ZFYVE26: variants seen among roughly 807,000 people sequenced by gnomAD.
ZFYVE26 encodes the protein zinc finger FYVE-type containing 26, also known as zinc finger FYVE domain-containing protein 26.
Under a neutral mutation model 276.5 loss-of-function variants are expected in ZFYVE26, and 181 were observed. That is an observed-to-expected ratio of 0.65 (90% confidence interval 0.58 to 0.74). The LOEUF (loss-of-function observed/expected upper bound fraction) is 0.74. ZFYVE26 is among the 30% of genes least tolerant of loss of function. The pLI is 0.00. For synonymous variants in ZFYVE26, 1,129 were observed against 1,203.1 expected, an observed-to-expected ratio of 0.94 and a Z score of 1.27; for missense variants, 2,821 against 3,097.9, an observed-to-expected ratio of 0.91 and a Z score of 2.12.
At chr14:67,767,683 A>G (rs1354906735) in intron 31 of ZFYVE26, 21 bp downstream of exon 31, 1 of 1,614,058 alleles carries the variant, frequency 6.2e-7, no homozygotes, top group East Asian at 2.2e-5. Flanking sequence ...TTAAGTGACC[A>G]TTGCATTTTA....
intron 15 of ZFYVE26, 30 bp downstream of exon 15, chr14:67,790,542 C>G: frequency 6.2e-7 from 1 of 1,611,266 alleles, no homozygotes. Flanking sequence ...AGCCACCTCA[C>G]CACTTATGGT....
rs181576 is a variant in ZFYVE26 at position 67,806,713 on chromosome 14, A to G, written c.887-38T>C. 1,081,982 of 1,611,936 alleles carry G rather than the reference A, an allele frequency of 0.67. 367,626 individuals are homozygous for G. The highest frequency in any genetic ancestry group is 0.98 in the East Asian group (43,762 of 44,846). Reference sequence around the variant, plus strand: ...CAAGACGGTTATCAGGAAACCAAGAACTCTTCTTTTCTAAGCTAGAGCCCA... The same window carrying G: ...CAAGACGGTTATCAGGAAACCAAGAGCTCTTCTTTTCTAAGCTAGAGCCCA... On this transcript the variant is annotated intron_variant, in intron 5 of 41. Coordinates refer to ENST00000347230, the MANE Select transcript of ZFYVE26 (RefSeq NM_015346.4).
chr14:67,808,972 C>G (rs2040238774), intron 4 of ZFYVE26, among the ~76,000 whole-genome samples: 1 of 152,182 alleles, frequency 6.6e-6, no homozygotes. Context: ...ACTAATAAAT[C>G]TTTAATTCCC....
At chr14:67,761,027 C>T in intron 35 of ZFYVE26, 1 of 582,996 alleles carries the variant, frequency 1.7e-6, no homozygotes, top group East Asian at 2.9e-5. Flanking sequence ...GAAGCAGACT[C>T]TAAGCAATAT....
chr14:67,776,028 G>A lies in ZFYVE26; in HGVS notation c.5053C>T (p.Leu1685=), dbSNP rs770696927. 1.2e-6 allele frequency: 2 copies of A among 1,614,224 alleles called. No homozygotes were observed. Among genetic ancestry groups the A allele is most frequent in the South Asian group, 2.2e-5 (2 of 91,086 alleles). The change falls in exon 26 of 42, where the codon CTG becomes TTG. Residue 1685 remains leucine (L), a synonymous_variant. Transcript: ENST00000347230. ...CAATCCACCTTCATGTTCATAAGCA[G>A]CTGCTCCAGCATGAACAGGGGGTTA... ...SSNPLFMLEQ[L]LMNMKVDWAT...
intron 41 of ZFYVE26, chr14:67,750,825 G>C (rs1039857939): frequency 1.9e-5 from 12 of 621,974 alleles, no homozygotes; most frequent in Non-Finnish European, 3.2e-5. Context: ...TTGTCTTGGG[G>C]ATAAAGACTT....
intron 16 of ZFYVE26, among the ~76,000 whole-genome samples, chr14:67,787,854 C>T (rs2039696888): frequency 6.6e-6 from 1 of 152,204 alleles, no homozygotes; most frequent in Admixed American, 6.5e-5. Flanking sequence ...AGTTAAACAG[C>T]AGGCTTGACA....
At chr14:67,756,327 C>T (rs901207368) in intron 35 of ZFYVE26, 182 bp from the exon 36 acceptor site, 1 of 701,980 alleles carries the variant, frequency 1.4e-6, no homozygotes. Flanking sequence ...TCACTTCTCT[C>T]CTTCCTTTTA....
chr14:67,759,584 ACCGCGCTCCAG>A (rs2038880170), intron 35 of ZFYVE26, among the ~76,000 whole-genome samples: 1 of 138,340 alleles, frequency 7.2e-6, no homozygotes, highest in African/African-American at 2.7e-5. Context: ...AGATCTCACC[ACCGCGCTCCAG>A]CCTGGCAACA....
At position 67,752,489 on chromosome 14, in the gene ZFYVE26, G is replaced by C. The variant is rs767297891; in HGVS notation, c.7226C>G (p.Ala2409Gly). ...QLDAAMTYCRAARQLVEKEKY... is the reference protein window; with the variant it reads ...QLDAAMTYCRGARQLVEKEKY... Reference sequence around the variant, plus strand: ...CTCTTTCTCCACCAACTGGCGGGCAGCTCTGCAGTAGGTCATGGCAGCATC... The same window carrying C: ...CTCTTTCTCCACCAACTGGCGGGCACCTCTGCAGTAGGTCATGGCAGCATC... Residue 2409 changes from alanine to glycine, a missense_variant, in exon 40 of 42, where the codon GCT (alanine) becomes GGT (glycine). By Grantham distance (60) the Ala-to-Gly change is moderately conservative. Coordinates refer to ENST00000347230, the MANE Select transcript of ZFYVE26 (RefSeq NM_015346.4). The C allele has an allele frequency of 6.2e-7, 1 of 1,614,148 alleles. No individual in the cohort carries two copies. Among genetic ancestry groups the C allele is most frequent in the Non-Finnish European group, 8.5e-7 (1 of 1,180,024 alleles).
intron 14 of ZFYVE26, 86 bp from the exon 15 acceptor site, chr14:67,790,859 G>T: frequency 7.9e-7 from 1 of 1,260,638 alleles, no homozygotes; most frequent in Non-Finnish European, 1.2e-6. Flanking sequence ...CCAACCATTA[G>T]ACTGTGGCCC....
rs760205577 is a variant in ZFYVE26, at chr14:67,807,885, G to T, written c.399C>A (p.Gly133=). The part of the protein sequence containing the change: ...LYETLTQGAV[G]HVPDGNPRRE... ...TCCTTGGATTTCCGTCAGGCACGTG[G>T]CCTACTGCACCCTGTGTTAAGGTCT... The change falls in exon 5 of 42, where the codon GGC becomes GGA. Residue 133 remains glycine (G), a synonymous_variant. Transcript: ENST00000347230. 1 of 1,614,066 alleles carries T rather than the reference G, an allele frequency of 6.2e-7. No homozygotes were observed.
At chr14:67,807,296 A>G in intron 5 of ZFYVE26, 102 bp downstream of exon 5, 1 of 1,508,112 alleles carries the variant, frequency 6.6e-7, no homozygotes, top group South Asian at 1.2e-5. Flanking sequence ...CTCCCCTATT[A>G]GATGTCCTGA....
Position 67,805,601 on chromosome 14 carries a change from CAAT to C in ZFYVE26, c.1032_1034del (p.Leu346del), listed in dbSNP as rs2040165756. On this transcript the variant is annotated inframe_deletion, in exon 7 of 42. Transcript: ENST00000347230. ...GATTTGGGAAGTCTTCTTCTTTCAA[CAAT>C]GTTAGTGCTGTTACCTGTAAGTCAA... The C allele has an allele frequency of 6.2e-7, 1 of 1,614,112 alleles. No homozygotes were observed. Among genetic ancestry groups the C allele is most frequent in the East Asian group, 2.2e-5 (1 of 44,884 alleles).
chr14:67,756,218 T>C, intron 35 of ZFYVE26, 73 bp from the exon 36 acceptor site: 1 of 1,494,414 alleles, frequency 6.7e-7, no homozygotes, highest in South Asian at 1.1e-5. Flanking sequence ...CACTCTGAAT[T>C]TCCTTCTATT....
chr14:67,799,462 C>G, intron 10 of ZFYVE26: 1 of 1,611,302 alleles, frequency 6.2e-7, no homozygotes. Flanking sequence ...TTGATGAAGG[C>G]GTGGATAGCC....
At chr14:67,732,076 G>A (rs1447193574) in intron 13 of ZFYVE26, among the ~76,000 whole-genome samples, 3 of 146,918 alleles carry the variant, frequency 2.0e-5, no homozygotes, top group African/African-American at 7.6e-5. Flanking sequence ...GCAGTAAGCC[G>A]AGATCACTCC....
chr14:67,775,243 G>C, intron 26 of ZFYVE26, 129 bp from the exon 27 acceptor site: 1 of 627,014 alleles, frequency 1.6e-6, no homozygotes, highest in East Asian at 2.8e-5. Flanking sequence ...TAGGTATTAA[G>C]AGAATGGAGG....
rs113018518 is a variant in ZFYVE26 at position 67,815,688 on chromosome 14, G to C, written c.194+82C>G. Reference sequence around the variant, plus strand: ...CTTATTCTTCAGAGGGTAGTTGAGTGGGGGCACATTGACCAATGCCCAAAT... The same window carrying C: ...CTTATTCTTCAGAGGGTAGTTGAGTCGGGGCACATTGACCAATGCCCAAAT... On this transcript the variant is annotated intron_variant, in intron 2 of 41. Coordinates refer to ENST00000347230, the MANE Select transcript of ZFYVE26 (RefSeq NM_015346.4). The C allele has an allele frequency of 1.4e-3, 1,899 of 1,349,766 alleles. 30 individuals carry two copies. In the African/African-American group the frequency reaches 0.024, roughly 17 times the overall value. 83.6% of individuals were successfully genotyped at this position (1,349,766 alleles called of 1,614,324 possible). A position where few individuals can be genotyped will look rare whatever the true frequency, so the allele number is the denominator to read the frequency against.
Sources: allele counts gnomAD v4.1 joint callset (sites outside exome capture counted in the v4.1 genomes callset), GRCh38; gene constraint gnomAD v4.1.1; transcripts MANE v1.5; gene names NCBI Gene and HGNC (gene_info 2026-07-23, HGNC 2026-07-21).